The following EDARADD variants were observed in gnomAD, a reference collection of about 807,000 sequenced individuals.
The protein encoded by EDARADD is ectodysplasin-A receptor-associated adapter protein.
A neutral mutation model predicts 25.6 loss-of-function variants in EDARADD; 20 were observed. The observed-to-expected ratio is 0.78, with a 90% CI of 0.55 to 1.14. The LOEUF is 1.14. EDARADD is among the 50% of genes most tolerant of loss of function. The pLI is 0.00. For synonymous variants in EDARADD, 86 were observed against 94.4 expected, an observed-to-expected ratio of 0.91 and a Z score of 0.52; for missense variants, 225 against 270.1, an observed-to-expected ratio of 0.83 and a Z score of 1.17.
intron 1 of EDARADD, among the ~76,000 whole-genome samples, chr1:236,405,866 CTTCCTTCCTTCT>C (rs1667716276): frequency 1.5e-4 from 6 of 40,812 alleles, no homozygotes; most frequent in African/African-American, 2.3e-4. Context: ...TCCTTCCTTC[CTTCCTTCCTTCT>C]TTCTTTCTTT....
exon 2 of EDARADD, chr1:236,348,831 C>G: frequency 6.6e-6 from 1 of 152,338 alleles, no homozygotes; most frequent in Non-Finnish European, 1.5e-5. Context: ...CAGTCCTTCT[C>G]TCACTGAGTG....
chr1:236,404,487 T>C (rs1220645489), intron 1 of EDARADD, among the ~76,000 whole-genome samples: 1 of 152,030 alleles, frequency 6.6e-6, no homozygotes, highest in Non-Finnish European at 1.5e-5. Context: ...GGTCAATGAG[T>C]GTATTTGGCA....
At chr1:236,450,773 TCCGGACCTTAGGTGAGCCAC>T (rs1658690767) in intron 4 of EDARADD, among the ~76,000 whole-genome samples, 1 of 152,180 alleles carries the variant, frequency 6.6e-6, no homozygotes, top group East Asian at 1.9e-4. Context: ...GGTCTCAAAC[TCCGGACCTTAGGTGAGCCAC>T]CCTCCTCGGC....
chr1:236,456,897 G>T (rs570931170), intron 4 of EDARADD, among the ~76,000 whole-genome samples: 2 of 152,136 alleles, frequency 1.3e-5, no homozygotes, highest in Non-Finnish European at 1.5e-5. Flanking sequence ...GATGCTCTTG[G>T]TGATTTTCAA....
Position 236,378,912 on chromosome 1 carries a change from T to A in EDARADD, c.-6+28073T>A, listed in dbSNP as rs116290391. ...ATCCTCAATCCCAAACTCTATTTTT[T>A]AAAAAAGACTACAGTGTTTGTAATT... is the stretch of plus-strand genomic sequence containing the variant. On this transcript the variant is annotated intron_variant, in intron 3 of 7. Transcript: ENST00000439430. 4.6e-3 allele frequency among the ~76,000 whole-genome samples: 694 copies of A among 152,182 alleles called. 5 individuals carry two copies. Among genetic ancestry groups the A allele is most frequent in the African/African-American group, 0.016 (664 of 41,520 alleles).
intron 4 of EDARADD, among the ~76,000 whole-genome samples, chr1:236,456,616 C>CCA (rs1299200821): frequency 6.6e-6 from 1 of 152,116 alleles, no homozygotes; most frequent in African/African-American, 2.4e-5. Context: ...GCCTCTGCCA[C>CCA]CACAGGAATG....
chr1:236,442,469 A>G (rs1475717873), intron 4 of EDARADD, among the ~76,000 whole-genome samples: 1 of 152,172 alleles, frequency 6.6e-6, no homozygotes, highest in Non-Finnish European at 1.5e-5. Context: ...CTAGCTAGAG[A>G]GGAGAAGTCA....
rs773795115 is a variant in EDARADD, at chr1:236,484,581, T to C, written c.*1932T>C. 2.0e-4 allele frequency: 157 copies of C among 794,980 alleles called. No homozygotes were observed. Among genetic ancestry groups the C allele is most frequent in the Non-Finnish European group, 3.1e-4 (151 of 489,510 alleles). 49.2% of individuals were successfully genotyped at this position (794,980 alleles called of 1,614,324 possible). On this transcript the variant is annotated 3_prime_UTR_variant, in exon 6 of 6. Coordinates refer to ENST00000334232, the MANE Select transcript of EDARADD (RefSeq NM_145861.4). The surrounding 1 kb of genome is among the most constrained non-coding windows in gnomAD (Gnocchi z 4.1). The stretch of plus-strand genomic sequence containing the variant: ...CAACATTTGTAGGGGCCGCTGCTAG[T>C]TAGCTACCCTTGCCCACCGCCGTGG...
intron 3 of EDARADD, among the ~76,000 whole-genome samples, chr1:236,360,322 A>C (rs1667030862): frequency 6.6e-6 from 1 of 151,728 alleles, no homozygotes; most frequent in Non-Finnish European, 1.5e-5. Flanking sequence ...CCTGTCTTAA[A>C]AAAAAAAAGA....
chr1:236,366,751 T>C (rs900781741), intron 3 of EDARADD, among the ~76,000 whole-genome samples: 1 of 151,790 alleles, frequency 6.6e-6, no homozygotes, highest in Non-Finnish European at 1.5e-5. Flanking sequence ...CTTTTTTTTG[T>C]CTCTCAGGGA....
At chr1:236,364,248 A>C (rs1572110173) in intron 3 of EDARADD, among the ~76,000 whole-genome samples, 1 of 152,362 alleles carries the variant, frequency 6.6e-6, no homozygotes, top group East Asian at 1.9e-4. Flanking sequence ...GAATGAACTA[A>C]TATATTATCC....
intron 4 of EDARADD, among the ~76,000 whole-genome samples, chr1:236,431,142 A>G (rs1456284751): frequency 2.6e-5 from 4 of 152,058 alleles, no homozygotes; most frequent in African/African-American, 9.7e-5. Context: ...AAATAAAATA[A>G]AAGCAAGCTG....
chr1:236,416,968 G>T (rs1657654472), intron 3 of EDARADD, among the ~76,000 whole-genome samples: 1 of 152,096 alleles, frequency 6.6e-6, no homozygotes, highest in South Asian at 2.1e-4. Context: ...TAAAAAATTA[G>T]CTGGGCGTGG....
chr1:236,402,969 T>A (rs568878331), intron 1 of EDARADD, among the ~76,000 whole-genome samples: 1 of 152,292 alleles, frequency 6.6e-6, no homozygotes, highest in East Asian at 1.9e-4. Context: ...TTTTCTTTTT[T>A]TTTTGAGACA....
At chr1:236,349,184 T>G (rs1373507778) in intron 2 of EDARADD, among the ~76,000 whole-genome samples, 1 of 150,854 alleles carries the variant, frequency 6.6e-6, no homozygotes, top group Non-Finnish European at 1.5e-5. Context: ...TACTCAAAAT[T>G]TTTTTTGAGA....
chr1:236,426,412 G>A (rs1482945294), intron 3 of EDARADD, among the ~76,000 whole-genome samples: 1 of 152,186 alleles, frequency 6.6e-6, no homozygotes, highest in Non-Finnish European at 1.5e-5. Flanking sequence ...CAGCCCAGGG[G>A]AGGAGGACAC....
At chr1:236,409,337 C>G in intron 2 of EDARADD, 63 bp downstream of exon 2, 1 of 1,390,446 alleles carries the variant, frequency 7.2e-7, no homozygotes, top group Non-Finnish European at 1.0e-6. Context: ...TTTGTTATTT[C>G]TTTACGTTTT....
At position 236,478,350 on chromosome 1, in the gene EDARADD, C is replaced by CAT. The variant is rs200530806; in HGVS notation, c.266-3908_266-3907dup. On this transcript the variant is annotated intron_variant, in intron 5 of 5. Transcript: ENST00000334232. ...AGCTGTTAATAGTTTATCCAAAATCCATATATATATGTGTGTGTGTGTGTG... is the reference window on the plus strand; with the variant it reads ...AGCTGTTAATAGTTTATCCAAAATCCATATATATATATGTGTGTGTGTGTGTG... 7.4e-3 allele frequency among the ~76,000 whole-genome samples: 924 copies of CAT among 124,210 alleles called. 15 individuals are homozygous for CAT. Among genetic ancestry groups the CAT allele is most frequent in the African/African-American group, 0.026 (869 of 33,176 alleles). The allele number at this position is 124,210 out of a possible 152,430, so 81.5% of individuals were successfully genotyped here. A position where few individuals can be genotyped will look rare whatever the true frequency, so the allele number is the denominator to read the frequency against.
At chr1:236,427,333 G>C (rs971939554) in intron 3 of EDARADD, 59 bp from the exon 4 acceptor site, 74 of 1,544,316 alleles carry the variant, frequency 4.8e-5, no homozygotes, top group Admixed American at 2.1e-4. Context: ...ACACCACGGA[G>C]TGTGTGCTTT....
Sources: gnomAD v4.1 joint callset for allele counts (sites outside exome capture counted in the v4.1 genomes callset) on GRCh38, gnomAD v4.1.1 for gene constraint, Gnocchi (gnomAD v3.1) non-coding constraint, MANE v1.5 for transcripts, NCBI Gene and HGNC (gene_info 2026-07-23, HGNC 2026-07-21) for gene names.